The following SHISA9 variants were observed in gnomAD, a reference collection of about 807,000 sequenced individuals.
SHISA9 encodes protein shisa-9.
In SHISA9, 13 loss-of-function variants were observed where a neutral mutation model predicts 38.0. The observed-to-expected ratio is 0.34, with a 90% CI of 0.22 to 0.54. SHISA9 has a LOEUF of 0.54. Among genes scored for constraint, SHISA9 ranks in the 20% least tolerant of loss-of-function variants. The pLI, the probability that SHISA9 is intolerant of heterozygous loss-of-function variation, is 0.91. For synonymous variants in SHISA9, 275 were observed against 242.0 expected (o/e 1.14, Z -1.27); for missense variants, 538 against 575.8 (o/e 0.93, Z 0.67).
At chr16:12,967,620 T>C (rs1017425774) in intron 2 of SHISA9, among the ~76,000 whole-genome samples, 3 of 151,786 alleles carry the variant, frequency 2.0e-5, no homozygotes, top group East Asian at 1.9e-4. Flanking sequence ...ACCAGTGTTA[T>C]GGACATCCAA....
intron 2 of SHISA9, among the ~76,000 whole-genome samples, chr16:12,999,650 T>G (rs1481812655): frequency 6.6e-6 from 1 of 152,214 alleles, no homozygotes; most frequent in South Asian, 2.1e-4. Context: ...TGGGGCCTGA[T>G]AGATGTTGCT....
At chr16:12,909,845 CCCTT>C (rs112196996) in intron 1 of SHISA9, 224 of 140,522 alleles carry the variant, frequency 1.6e-3, no homozygotes, top group South Asian at 6.4e-3. Context: ...CCTTCCCTTC[CCCTT>C]CCTTCCTTCC....
chr16:13,169,803 C>T (rs947137148), intron 2 of SHISA9, among the ~76,000 whole-genome samples: 15 of 152,124 alleles, frequency 9.9e-5, no homozygotes, highest in African/African-American at 3.6e-4. Flanking sequence ...GTCCCAGCTT[C>T]GGATCACTCT....
chr16:13,355,376 C>T, the SHISA9 span, among the ~76,000 whole-genome samples: 1 of 151,182 alleles, frequency 6.6e-6, no homozygotes, highest in African/African-American at 2.4e-5. Context: ...TGATTGGTCA[C>T]CAAGGAGGGA....
At chr16:13,539,303 C>CATATATAT in the SHISA9 span, among the ~76,000 whole-genome samples, 2 of 53,436 alleles carry the variant, frequency 3.7e-5, 1 homozygote, top group African/African-American at 1.1e-4. Context: ...CTAAATTTTA[C>CATATATAT]ATATATATAT....
intron 2 of SHISA9, among the ~76,000 whole-genome samples, chr16:13,134,254 C>G (rs1246870844): frequency 6.6e-6 from 1 of 152,186 alleles, no homozygotes; most frequent in East Asian, 1.9e-4. Context: ...TAATACCTAT[C>G]TTAATTTAAT....
At chr16:12,948,665 A>T (rs1421327977) in intron 2 of SHISA9, among the ~76,000 whole-genome samples, 1 of 152,208 alleles carries the variant, frequency 6.6e-6, no homozygotes, top group Non-Finnish European at 1.5e-5. Context: ...GATCTGTCTC[A>T]TACAGGCATT....
chr16:13,326,290 T>C, the SHISA9 span, among the ~76,000 whole-genome samples: 19,258 of 152,060 alleles, frequency 0.13, 1,237 homozygotes, highest in South Asian at 0.23. Context: ...AAGAATAATG[T>C]TGACAATATT....
intron 2 of SHISA9, among the ~76,000 whole-genome samples, chr16:12,964,386 T>G (rs1314673495): frequency 6.8e-6 from 1 of 146,964 alleles, no homozygotes; most frequent in East Asian, 2.0e-4. Context: ...GACTTTCTGT[T>G]TTTTTTTTTT....
chr16:13,346,222 T>A, the SHISA9 span, among the ~76,000 whole-genome samples: 2 of 152,200 alleles, frequency 1.3e-5, no homozygotes, highest in Non-Finnish European at 2.9e-5. Context: ...GTATTTGACT[T>A]TCTGTTTCTG....
intron 2 of SHISA9, among the ~76,000 whole-genome samples, chr16:13,019,878 CCCTCCCTTCTTT>C (rs1261275734): frequency 0.033 from 1,061 of 31,918 alleles, 84 homozygotes; most frequent in Middle Eastern, 0.12. Context: ...CTCCCTCCCT[CCCTCCCTTCTTT>C]CTTTCTTTCT....
At chr16:13,541,008 A>T in the SHISA9 span, among the ~76,000 whole-genome samples, 5 of 152,140 alleles carry the variant, frequency 3.3e-5, no homozygotes, top group Non-Finnish European at 5.9e-5. Flanking sequence ...AAACAGACCT[A>T]CTACCCGGGT....
chr16:13,194,095 A>G (rs543144239), intron 2 of SHISA9, among the ~76,000 whole-genome samples: 2 of 152,056 alleles, frequency 1.3e-5, no homozygotes, highest in South Asian at 4.2e-4. Flanking sequence ...TCCTTCTCAC[A>G]TCCCCCCAAG....
chr16:13,480,902 C>G, the SHISA9 span, among the ~76,000 whole-genome samples: 1 of 152,272 alleles, frequency 6.6e-6, no homozygotes, highest in South Asian at 2.1e-4. Context: ...GTTTAATTGC[C>G]TTGGGAGGGT....
intron 2 of SHISA9, among the ~76,000 whole-genome samples, chr16:12,922,220 C>T (rs1165431990): frequency 2.0e-5 from 3 of 152,228 alleles, no homozygotes; most frequent in Non-Finnish European, 4.4e-5. Context: ...GGAAAGAGAG[C>T]TGTTTCCAAA....
At chr16:13,554,444 G>C in the SHISA9 span, among the ~76,000 whole-genome samples, 1 of 150,406 alleles carries the variant, frequency 6.6e-6, no homozygotes, top group African/African-American at 2.4e-5. Context: ...AAAAAATCAT[G>C]GTAAAATCTC....
downstream of SHISA9, among the ~76,000 whole-genome samples, chr16:13,243,318 A>C (rs527788306): frequency 4.8e-4 from 73 of 152,056 alleles, 1 homozygote; most frequent in Non-Finnish European, 5.4e-4. Flanking sequence ...GGAAGTCCTG[A>C]TGACATGTGC....
the SHISA9 span, among the ~76,000 whole-genome samples, chr16:13,551,679 A>G: frequency 6.6e-6 from 1 of 152,280 alleles, no homozygotes; most frequent in African/African-American, 2.4e-5. Flanking sequence ...GCTGTGCACA[A>G]ACATAGACAC....
the SHISA9 span, among the ~76,000 whole-genome samples, chr16:13,353,268 C>T: frequency 4.6e-5 from 7 of 151,928 alleles, no homozygotes; most frequent in Admixed American, 2.6e-4. Context: ...GGCCTGGATA[C>T]GGTTTTGTAT....
Sources: gnomAD v4.1 joint callset for allele counts (sites outside exome capture counted in the v4.1 genomes callset) on GRCh38, gnomAD v4.1.1 for gene constraint, MANE v1.5 for transcripts, NCBI Gene and HGNC (gene_info 2026-07-23, HGNC 2026-07-21) for gene names.